SLIT3: variants seen among roughly 807,000 people sequenced by gnomAD.
SLIT3 encodes slit guidance ligand 3, also known as slit homolog 3 protein.
SLIT3 carries 68 observed loss-of-function variants against 184.0 expected under a neutral mutation model. That is an observed-to-expected ratio of 0.37 (90% confidence interval 0.30 to 0.45). The LOEUF (loss-of-function observed/expected upper bound fraction) is 0.45. Among genes scored for constraint, SLIT3 ranks in the 20% least tolerant of loss-of-function variants. SLIT3 has a pLI of 1.00. For missense variants in SLIT3, 1,707 were observed against 2,026.0 expected (o/e 0.84, Z 3.02); for synonymous variants, 831 against 828.6 (o/e 1.00, Z -0.05).
chr5:169,043,510 A>G (rs1180289432), intron 4 of SLIT3, among the ~76,000 whole-genome samples: 1 of 152,224 alleles, frequency 6.6e-6, no homozygotes, highest in African/African-American at 2.4e-5. Flanking sequence ...GCATGAAAAT[A>G]CTTTGTTCCC....
At chr5:169,152,961 C>T (rs924917524) in intron 4 of SLIT3, among the ~76,000 whole-genome samples, 1 of 152,178 alleles carries the variant, frequency 6.6e-6, no homozygotes, top group Non-Finnish European at 1.5e-5. Context: ...CTCAGCTCTA[C>T]GGTCTCCAGA....
chr5:169,162,651 G>T (rs1004876464), intron 4 of SLIT3, among the ~76,000 whole-genome samples: 1 of 152,218 alleles, frequency 6.6e-6, no homozygotes, highest in Admixed American at 6.5e-5. Context: ...GAGGTTTGGG[G>T]TCAAACAGAG....
At chr5:169,242,605 A>C (rs928825609) in intron 3 of SLIT3, among the ~76,000 whole-genome samples, 24 of 151,868 alleles carry the variant, frequency 1.6e-4, no homozygotes, top group Non-Finnish European at 2.8e-4. Flanking sequence ...GAGAAGAAGA[A>C]GACTTTGTCC....
chr5:168,718,716 A>T (rs1762834236), intron 23 of SLIT3, among the ~76,000 whole-genome samples: 1 of 139,180 alleles, frequency 7.2e-6, no homozygotes, highest in African/African-American at 2.9e-5. Flanking sequence ...ACACACACAC[A>T]CACACACACA....
In SLIT3 at chr5:169,300,862, G is replaced by A; in HGVS notation, c.-153C>T. The A allele has an allele frequency of 1.5e-6, 1 of 672,576 alleles. No individual in the cohort carries two copies. Among genetic ancestry groups the A allele is most frequent in the Non-Finnish European group, 2.0e-6 (1 of 495,124 alleles). 41.7% of individuals were successfully genotyped at this position (672,576 alleles called of 1,614,324 possible). A position where few individuals can be genotyped will look rare whatever the true frequency, so the allele number is the denominator to read the frequency against. On this transcript the variant is annotated 5_prime_UTR_variant, in exon 1 of 36. Transcript: ENST00000519560. This position sits in a 1 kb window ranked among gnomAD's most constrained non-coding sequence, Gnocchi z 4.1. ...AGCTCGGTGCTCAGGCGCACGGGGC[G>A]CGGGCGGAGCGGGGCGCTCCGGGCG... is the stretch of plus-strand genomic sequence containing the variant.
intron 19 of SLIT3, among the ~76,000 whole-genome samples, 200 bp downstream of exon 19, chr5:168,749,272 G>T (rs1228076999): frequency 6.6e-6 from 1 of 152,240 alleles, no homozygotes; most frequent in Non-Finnish European, 1.5e-5. Context: ...TAAAATGACT[G>T]CTGAAATGGG....
intron 1 of SLIT3, among the ~76,000 whole-genome samples, chr5:169,270,669 G>A (rs545119385): frequency 6.6e-6 from 1 of 152,180 alleles, no homozygotes; most frequent in Admixed American, 6.5e-5. Flanking sequence ...TATAGTCTAG[G>A]AGGGTCGAAA....
At chr5:168,754,115 G>T in intron 16 of SLIT3, 108 bp from the exon 17 acceptor site, 3 of 1,124,666 alleles carry the variant, frequency 2.7e-6, no homozygotes, top group Non-Finnish European at 3.8e-6. Context: ...GGGCCCCTGA[G>T]ACTGAGGACT....
At chr5:169,092,553 C>A (rs1052150465) in intron 4 of SLIT3, among the ~76,000 whole-genome samples, 1 of 152,180 alleles carries the variant, frequency 6.6e-6, no homozygotes, top group Non-Finnish European at 1.5e-5. Context: ...CGTAGTCAGG[C>A]GTGTGACCTA....
intron 1 of SLIT3, among the ~76,000 whole-genome samples, chr5:169,273,406 G>C (rs1055114146): frequency 7.9e-5 from 12 of 152,184 alleles, no homozygotes; most frequent in Admixed American, 7.9e-4. Flanking sequence ...ACATGTACAT[G>C]TGTATGCACA....
intron 3 of SLIT3, among the ~76,000 whole-genome samples, chr5:169,226,774 G>T (rs571729014): frequency 4.6e-5 from 7 of 152,282 alleles, no homozygotes; most frequent in African/African-American, 1.7e-4. Flanking sequence ...TGGTAACAAT[G>T]GGTCTCAGGA....
At chr5:169,247,849 C>T (rs1424555130) in intron 2 of SLIT3, among the ~76,000 whole-genome samples, 1 of 152,122 alleles carries the variant, frequency 6.6e-6, no homozygotes, top group Non-Finnish European at 1.5e-5. Flanking sequence ...GTCTTGAACT[C>T]CTGAGCTCAA....
chr5:168,962,771 C>A (rs1581249419), intron 4 of SLIT3, among the ~76,000 whole-genome samples: 1 of 93,452 alleles, frequency 1.1e-5, no homozygotes, highest in African/African-American at 9.3e-5. Context: ...GCAGTGGCTG[C>A]CTTTTAGCTC....
chr5:168,844,742 C>T (rs1758397123), intron 5 of SLIT3, 87 bp from the exon 6 acceptor site: 6 of 1,220,156 alleles, frequency 4.9e-6, no homozygotes, highest in Non-Finnish European at 6.0e-6. Flanking sequence ...CCTGTCCCTC[C>T]ACCCCCTTGC....
intron 4 of SLIT3, among the ~76,000 whole-genome samples, chr5:168,963,373 C>T (rs192292522): frequency 2.0e-5 from 3 of 152,206 alleles, no homozygotes; most frequent in East Asian, 1.9e-4. Flanking sequence ...GGTTTCTCCA[C>T]GTTGGCCAGG....
intron 4 of SLIT3, among the ~76,000 whole-genome samples, chr5:169,085,098 A>T (rs540348794): frequency 5.3e-5 from 8 of 152,250 alleles, no homozygotes; most frequent in East Asian, 1.9e-4. Flanking sequence ...GTTACCAACC[A>T]CATCCAATTC....
intron 32 of SLIT3, among the ~76,000 whole-genome samples, chr5:168,683,364 C>T (rs1211199457): frequency 2.4e-5 from 3 of 126,416 alleles, no homozygotes; most frequent in Non-Finnish European, 4.8e-5. Context: ...AACAAAACTC[C>T]ATCTCAAAAA....
At chr5:169,112,923 C>T (rs1208222379) in intron 4 of SLIT3, among the ~76,000 whole-genome samples, 1 of 152,138 alleles carries the variant, frequency 6.6e-6, no homozygotes, top group East Asian at 1.9e-4. Flanking sequence ...ACCCCTCAGG[C>T]CTAGGGGTAG....
intron 5 of SLIT3, among the ~76,000 whole-genome samples, chr5:168,850,288 T>C (rs1758623145): frequency 6.6e-6 from 1 of 152,110 alleles, no homozygotes; most frequent in African/African-American, 2.4e-5. Context: ...CAAAAGGAGG[T>C]GAATCTATCA....
Sources: allele counts gnomAD v4.1 joint callset (sites outside exome capture counted in the v4.1 genomes callset), GRCh38; gene constraint gnomAD v4.1.1; non-coding constraint Gnocchi (gnomAD v3.1); transcripts MANE v1.5; gene names NCBI Gene and HGNC (gene_info 2026-07-23, HGNC 2026-07-21).